BMERB1: variants seen among roughly 807,000 people sequenced by gnomAD.
BMERB1 encodes bMERB domain-containing protein 1.
Under a neutral mutation model 23.6 loss-of-function variants are expected in BMERB1, and 12 were observed. The observed-to-expected ratio is 0.51, with a 90% CI of 0.33 to 0.82. The LOEUF (loss-of-function observed/expected upper bound fraction) is 0.82, where lower values mean the gene tolerates loss of function less well. BMERB1 is among the 40% of genes least tolerant of loss of function. The pLI is 0.03. For missense variants in BMERB1, 247 were observed against 255.4 expected (o/e 0.97, Z 0.22); for synonymous variants, 122 against 96.6 (o/e 1.26, Z -1.54).
chr16:15,519,242 T>C (rs2051819854), intron 2 of BMERB1, among the ~76,000 whole-genome samples: 1 of 152,132 alleles, frequency 6.6e-6, no homozygotes, highest in African/African-American at 2.4e-5. Flanking sequence ...GTGGCCGTAG[T>C]GTAATAGCCG....
chr16:15,480,788 A>G (rs973361785), intron 1 of BMERB1, among the ~76,000 whole-genome samples: 4 of 150,626 alleles, frequency 2.7e-5, no homozygotes, highest in African/African-American at 9.8e-5. Context: ...TAATTTTTCT[A>G]TTTTTGGTAG....
chr16:15,476,806 G>T (rs1043890211), intron 1 of BMERB1, among the ~76,000 whole-genome samples: 3 of 152,142 alleles, frequency 2.0e-5, no homozygotes, highest in African/African-American at 7.2e-5. Context: ...ACTGGGTGGG[G>T]GATACAGGAT....
At position 15,587,641 on chromosome 16, in the gene BMERB1, C is replaced by A; in HGVS notation, c.*812C>A. 1 of 352,792 alleles carries A rather than the reference C, an allele frequency of 2.8e-6. No individual in the cohort carries two copies. Among genetic ancestry groups the A allele is most frequent in the South Asian group, 1.9e-5 (1 of 52,532 alleles). 21.9% of individuals were successfully genotyped at this position (352,792 alleles called of 1,614,324 possible). ...GTAGATGCTGACCTGGGCACTCCAC[C>A]ATTCCGGGGCCACCACAGAGATGCC... On this transcript the variant is annotated 3_prime_UTR_variant, in exon 6 of 6. Coordinates refer to ENST00000300006, the MANE Select transcript of BMERB1 (RefSeq NM_033201.3).
chr16:15,513,165 A>G (rs2051693832), intron 1 of BMERB1, among the ~76,000 whole-genome samples: 1 of 152,188 alleles, frequency 6.6e-6, no homozygotes, highest in Admixed American at 6.5e-5. Context: ...CATTCACCCT[A>G]GAAACATAGC....
Position 15,504,551 on chromosome 16 carries a change from C to T in BMERB1, c.107-10754C>T, listed in dbSNP as rs977277834. ...AAGCCCTCAAACTCCTGGACCCAAG[C>T]GATCCTCCCACCTCAGCCTCCCAAG... On this transcript the variant is annotated intron_variant, in intron 1 of 5. Transcript: ENST00000300006. 3.3e-5 allele frequency among the ~76,000 whole-genome samples: 5 copies of T among 151,894 alleles called. No individual in the cohort carries two copies. The South Asian group carries it at 8.3e-4, about 25-fold the overall frequency.
chr16:15,550,085 G>T (rs1489573908), intron 2 of BMERB1, among the ~76,000 whole-genome samples: 1 of 151,718 alleles, frequency 6.6e-6, no homozygotes, highest in East Asian at 1.9e-4. Context: ...GAGTAGCTGG[G>T]ACTACAAGCA....
intron 1 of BMERB1, among the ~76,000 whole-genome samples, chr16:15,436,063 A>G (rs758343993): frequency 1.3e-5 from 2 of 152,116 alleles, no homozygotes; most frequent in East Asian, 1.9e-4. Flanking sequence ...TTAAGTGCAC[A>G]TAGTGGGTGT....
chr16:15,528,427 A>G (rs1303878370), intron 2 of BMERB1, among the ~76,000 whole-genome samples: 1 of 152,224 alleles, frequency 6.6e-6, no homozygotes, highest in African/African-American at 2.4e-5. Flanking sequence ...TGAATTTTGA[A>G]GAGTCATAAA....
intron 3 of BMERB1, among the ~76,000 whole-genome samples, chr16:15,570,590 G>T (rs1030423760): frequency 6.6e-6 from 1 of 152,100 alleles, no homozygotes; most frequent in Non-Finnish European, 1.5e-5. Flanking sequence ...TCCTGATCCA[G>T]ACCCCAAAGT....
At chr16:15,507,403 A>G (rs1263174960) in intron 1 of BMERB1, among the ~76,000 whole-genome samples, 2 of 152,124 alleles carry the variant, frequency 1.3e-5, no homozygotes, top group Admixed American at 6.6e-5. Flanking sequence ...CTGGGGTGGC[A>G]TTTGGGGATG....
At chr16:15,466,732 G>C (rs2051183957) in intron 1 of BMERB1, among the ~76,000 whole-genome samples, 1 of 151,952 alleles carries the variant, frequency 6.6e-6, no homozygotes. Context: ...GTGTGTGTGT[G>C]TGTGTGTATT....
At chr16:15,581,000 A>T (rs1404001537) in intron 3 of BMERB1, among the ~76,000 whole-genome samples, 2 of 151,274 alleles carry the variant, frequency 1.3e-5, no homozygotes, top group East Asian at 3.9e-4. Flanking sequence ...AGGTTCAAGC[A>T]ATTCTCCCGC....
At chr16:15,446,189 A>G (rs153796) in intron 1 of BMERB1, among the ~76,000 whole-genome samples, 50,316 of 151,954 alleles carry the variant, frequency 0.33, 9,254 homozygotes, top group Middle Eastern at 0.48. Flanking sequence ...CCAGGAGTTC[A>G]AGACCAGCCT....
At chr16:15,452,154 AC>A (rs1162202769) in intron 1 of BMERB1, among the ~76,000 whole-genome samples, 1 of 151,268 alleles carries the variant, frequency 6.6e-6, no homozygotes, top group African/African-American at 2.4e-5. Flanking sequence ...TGGGGCGTGC[AC>A]CTGTAGTCCT....
At chr16:15,568,883 G>C (rs2030651025) in intron 3 of BMERB1, among the ~76,000 whole-genome samples, 2 of 152,052 alleles carry the variant, frequency 1.3e-5, no homozygotes, top group Non-Finnish European at 2.9e-5. Context: ...TGCCCATCAG[G>C]CTGTGTTAGT....
intron 1 of BMERB1, among the ~76,000 whole-genome samples, chr16:15,439,694 C>T (rs996479805): frequency 2.6e-5 from 4 of 152,094 alleles, no homozygotes; most frequent in Admixed American, 6.6e-5. Flanking sequence ...GTTTTTTCCC[C>T]GCTCAGCTGG....
chr16:15,482,606 T>C (rs1393182449), intron 1 of BMERB1, among the ~76,000 whole-genome samples: 1 of 152,122 alleles, frequency 6.6e-6, no homozygotes, highest in Non-Finnish European at 1.5e-5. Flanking sequence ...GAAGCAGCCA[T>C]GACTCATGCT....
intron 3 of BMERB1, among the ~76,000 whole-genome samples, chr16:15,571,643 C>T (rs1349797526): frequency 6.6e-6 from 1 of 152,144 alleles, no homozygotes; most frequent in Non-Finnish European, 1.5e-5. Flanking sequence ...GTGTGAGCCA[C>T]CACACCCAGC....
rs1411154353 is a variant in BMERB1, at chr16:15,587,672, G to T, written c.*843G>T. 6.4e-6 allele frequency: 2 copies of T among 314,310 alleles called. No individual in the cohort carries two copies. The highest frequency in any genetic ancestry group is 2.1e-4 in the East Asian group (2 of 9,306). The allele number at this position is 314,310 out of a possible 1,614,324, so 19.5% of individuals were successfully genotyped here. A position where few individuals can be genotyped will look rare whatever the true frequency, so the allele number is the denominator to read the frequency against. ...GGGGCCACCACAGAGATGCCAGCAG[G>T]ATGCCACTTTGCCAGCCCGACACAC... On this transcript the variant is annotated 3_prime_UTR_variant, in exon 6 of 6. Coordinates refer to ENST00000300006, the MANE Select transcript of BMERB1 (RefSeq NM_033201.3).
Sources: allele counts gnomAD v4.1 joint callset (sites outside exome capture counted in the v4.1 genomes callset), GRCh38; gene constraint gnomAD v4.1.1; transcripts MANE v1.5; gene names NCBI Gene and HGNC (gene_info 2026-07-23, HGNC 2026-07-21).